Variants in GPC6 observed in about 807,000 individuals in gnomAD.
The protein encoded by GPC6 is glypican-6.
GPC6 carries 14 observed loss-of-function variants against 55.2 expected under a neutral mutation model. That is an observed-to-expected ratio of 0.25 (90% confidence interval 0.17 to 0.40). The LOEUF (loss-of-function observed/expected upper bound fraction) is 0.40, where lower values mean the gene tolerates loss of function less well. GPC6 is among the 10% of genes least tolerant of loss of function. The pLI, the probability that GPC6 is intolerant of heterozygous loss-of-function variation, is 1.00. For missense variants in GPC6, 641 were observed against 708.5 expected (o/e 0.90, Z 1.08); for synonymous variants, 278 against 259.6 (o/e 1.07, Z -0.68).
intron 1 of GPC6, among the ~76,000 whole-genome samples, chr13:93,228,474 A>G (rs1284375340): frequency 6.6e-6 from 1 of 152,114 alleles, no homozygotes; most frequent in Non-Finnish European, 1.5e-5. Context: ...TGCTCCACCA[A>G]GAGCTTGAGA....
chr13:93,727,395 A>G (rs1326470439), intron 2 of GPC6, among the ~76,000 whole-genome samples: 1 of 152,006 alleles, frequency 6.6e-6, no homozygotes. Flanking sequence ...TCCACATTTC[A>G]TCACTCCCCA....
At chr13:93,869,887 AG>A (rs1412638054) in intron 3 of GPC6, among the ~76,000 whole-genome samples, 1 of 151,866 alleles carries the variant, frequency 6.6e-6, no homozygotes, top group Non-Finnish European at 1.5e-5. Flanking sequence ...TATACTCCAC[AG>A]CTGGTTTTAA....
At chr13:93,782,292 C>T (rs944697319) in intron 2 of GPC6, among the ~76,000 whole-genome samples, 1 of 152,156 alleles carries the variant, frequency 6.6e-6, no homozygotes, top group African/African-American at 2.4e-5. Flanking sequence ...AATACCATTT[C>T]ATTTTCTATA....
At chr13:93,405,758 G>T (rs1876267289) in intron 1 of GPC6, among the ~76,000 whole-genome samples, 1 of 152,096 alleles carries the variant, frequency 6.6e-6, no homozygotes, top group Non-Finnish European at 1.5e-5. Flanking sequence ...TGTTATATAA[G>T]TTATCTACTG....
chr13:93,802,532 G>A (rs1886408240), intron 2 of GPC6, among the ~76,000 whole-genome samples: 1 of 151,922 alleles, frequency 6.6e-6, no homozygotes. Flanking sequence ...CAAGTAGCTA[G>A]GATTAAAGGT....
chr13:93,733,215 G>T (rs1035264150), intron 2 of GPC6, among the ~76,000 whole-genome samples: 1 of 151,956 alleles, frequency 6.6e-6, no homozygotes, highest in Non-Finnish European at 1.5e-5. Flanking sequence ...AAATATGAAA[G>T]AATCATCTGA....
chr13:93,302,839 G>C (rs1012939281), intron 1 of GPC6, among the ~76,000 whole-genome samples: 3 of 152,152 alleles, frequency 2.0e-5, no homozygotes, highest in Admixed American at 2.0e-4. Context: ...CATAAATTTT[G>C]ATTCACTTAA....
intron 4 of GPC6, among the ~76,000 whole-genome samples, chr13:94,190,360 A>T (rs1889351797): frequency 6.6e-6 from 1 of 152,202 alleles, no homozygotes; most frequent in Admixed American, 6.5e-5. Context: ...TAGTGAAATG[A>T]CATCCACATT....
At chr13:93,768,717 A>AT (rs1566525620) in intron 2 of GPC6, among the ~76,000 whole-genome samples, 2 of 152,096 alleles carry the variant, frequency 1.3e-5, no homozygotes, top group African/African-American at 4.8e-5. Context: ...TCATACAGGA[A>AT]TTTTTTTAAA....
In GPC6 at chr13:93,731,734, A is replaced by G. The variant is rs567779888; in HGVS notation, c.320-98420A>G. 3.9e-5 allele frequency among the ~76,000 whole-genome samples: 6 copies of G among 152,294 alleles called. No homozygotes were observed. In the East Asian group the frequency reaches 1.2e-3, roughly 29 times the overall value. ...ATATGGATGTGAGCGTGAATTGTAT[A>G]CAAATATGGAATATTCACATAAAGG... On this transcript the variant is annotated intron_variant, in intron 2 of 8. Transcript: ENST00000377047.
intron 1 of GPC6, among the ~76,000 whole-genome samples, chr13:93,315,283 T>C (rs1055980453): frequency 6.6e-6 from 1 of 152,100 alleles, no homozygotes; most frequent in Non-Finnish European, 1.5e-5. Context: ...TATTTCTTTT[T>C]CTTTGCCATA....
intron 2 of GPC6, among the ~76,000 whole-genome samples, chr13:93,589,646 T>C (rs1011913891): frequency 6.6e-6 from 1 of 152,180 alleles, no homozygotes; most frequent in Non-Finnish European, 1.5e-5. Context: ...GACTAAAGTC[T>C]GGGAAAATCA....
chr13:93,296,840 A>G lies in GPC6; in HGVS notation c.160+69224A>G, dbSNP rs566619041. ...CAGTGACTTAGTCAGTGAATGCCTC[A>G]GGTACGAGGTGGAGGTGGACCCTTC... On this transcript the variant is annotated intron_variant, in intron 1 of 8. Coordinates refer to ENST00000377047, the MANE Select transcript of GPC6 (RefSeq NM_005708.5). 2.0e-5 allele frequency among the ~76,000 whole-genome samples: 3 copies of G among 152,232 alleles called. No individual in the cohort carries two copies. The East Asian group carries it at 5.8e-4, about 29-fold the overall frequency.
At chr13:93,916,352 C>T (rs1479030607) in intron 3 of GPC6, among the ~76,000 whole-genome samples, 1 of 152,012 alleles carries the variant, frequency 6.6e-6, no homozygotes, top group Admixed American at 6.6e-5. Flanking sequence ...TGGTTGGTGG[C>T]TTGGTGTTAA....
At chr13:94,302,143 C>A (rs1486099344) in intron 5 of GPC6, among the ~76,000 whole-genome samples, 2 of 152,212 alleles carry the variant, frequency 1.3e-5, no homozygotes, top group African/African-American at 4.8e-5. Context: ...TTGCTTGCTT[C>A]TTAGTCTGCT....
At chr13:93,358,233 C>T (rs1030006259) in intron 1 of GPC6, among the ~76,000 whole-genome samples, 10 of 151,978 alleles carry the variant, frequency 6.6e-5, no homozygotes, top group Non-Finnish European at 2.9e-5. Context: ...GTAGTCCCAG[C>T]ACTCAAAGGC....
chr13:93,989,411 C>T lies in GPC6; in HGVS notation c.712-38318C>T, dbSNP rs548187187. 1.1e-4 allele frequency among the ~76,000 whole-genome samples: 16 copies of T among 152,260 alleles called. No individual in the cohort carries two copies. In the East Asian group the frequency reaches 1.2e-3, roughly 11 times the overall value. On this transcript the variant is annotated intron_variant, in intron 3 of 8. Coordinates refer to ENST00000377047, the MANE Select transcript of GPC6 (RefSeq NM_005708.5). ...AAGGAGCAACTACTCTGAAAACCAC[C>T]GCTGCTCACCTGCTGGTAATTCGAA...
intron 2 of GPC6, among the ~76,000 whole-genome samples, chr13:93,725,754 T>C (rs1450758928): frequency 1.3e-5 from 2 of 152,090 alleles, no homozygotes; most frequent in Non-Finnish European, 2.9e-5. Flanking sequence ...TGATTTGTTT[T>C]TAAAACTAGC....
intron 6 of GPC6, among the ~76,000 whole-genome samples, chr13:94,339,701 A>G (rs1877920814): frequency 6.8e-6 from 1 of 146,924 alleles, no homozygotes; most frequent in Non-Finnish European, 1.5e-5. Flanking sequence ...GGAATGATCT[A>G]TGGAAACTAA....
Sources: allele counts gnomAD v4.1 joint callset (sites outside exome capture counted in the v4.1 genomes callset), GRCh38; gene constraint gnomAD v4.1.1; transcripts MANE v1.5; gene names NCBI Gene and HGNC (gene_info 2026-07-23, HGNC 2026-07-21).